Variants in DPP8 observed in about 807,000 individuals in gnomAD.
DPP8 encodes dipeptidyl peptidase 8.
DPP8 carries 31 observed loss-of-function variants against 107.5 expected under a neutral mutation model. The ratio of observed to expected loss-of-function variants is 0.29; its 90% CI spans 0.22 to 0.39. DPP8 has a LOEUF of 0.39. DPP8 is among the 10% of genes least tolerant of loss of function. The pLI, the probability that DPP8 is intolerant of heterozygous loss-of-function variation, is 1.00. For synonymous variants in DPP8, 381 were observed against 356.6 expected, an observed-to-expected ratio of 1.07 and a Z score of -0.77; for missense variants, 842 against 1,076.1, an observed-to-expected ratio of 0.78 and a Z score of 3.04.
chr15:65,481,698 C>A, intron 8 of DPP8, 83 bp from the exon 9 acceptor site: 1 of 849,018 alleles, frequency 1.2e-6, no homozygotes, highest in Non-Finnish European at 1.8e-6. Context: ...AACAATTTAT[C>A]CAAAAAGCAG....
Position 65,480,271 on chromosome 15 carries a change from G to C in DPP8, c.1247C>G (p.Ser416Cys). The C allele has an allele frequency of 6.2e-7, 1 of 1,613,876 alleles. No individual in the cohort carries two copies. The highest frequency in any genetic ancestry group is 8.5e-7 in the Non-Finnish European group (1 of 1,179,942). The stretch of plus-strand genomic sequence containing the variant: ...TTCATAGATAATTAGTGGCGTCACA[G>C]AATCAGGCACTGACTCAATGAGTCT... ...RQRLIESVPD[S>C]VTPLIIYEET... The change falls in exon 10 of 20, where the codon TCT becomes TGT. Residue 416 changes from serine (S) to cysteine (C), a missense_variant. Ser to Cys is a moderately radical substitution (Grantham distance 112). Coordinates refer to ENST00000300141, the MANE Select transcript of DPP8 (RefSeq NM_130434.5).
At chr15:65,510,570 G>A (rs775304602) in intron 2 of DPP8, among the ~76,000 whole-genome samples, 7 of 151,474 alleles carry the variant, frequency 4.6e-5, no homozygotes, top group Non-Finnish European at 7.4e-5. Context: ...ACGAAGTCTC[G>A]CTCTGTCATC....
At chr15:65,466,609 A>AG (rs2065376786) in intron 14 of DPP8, 69 bp downstream of exon 14, 1 of 1,387,830 alleles carries the variant, frequency 7.2e-7, no homozygotes. Context: ...ATGTGAAAAT[A>AG]TGACACACGT....
chr15:65,493,162 C>T (rs982270142), intron 5 of DPP8, among the ~76,000 whole-genome samples: 1 of 152,050 alleles, frequency 6.6e-6, no homozygotes, highest in African/African-American at 2.4e-5. Flanking sequence ...CAGCTCACCG[C>T]AACCTCCACT....
rs1046346721 is a variant in DPP8, at chr15:65,453,476, T to C, written c.2271+787A>G. Among the ~76,000 whole-genome samples, 88 of 151,822 alleles carry C rather than the reference T, an allele frequency of 5.8e-4. 4 individuals carry two copies. Among genetic ancestry groups the C allele is most frequent in the Non-Finnish European group, 1.5e-5 (1 of 67,962 alleles). ...ATACATATATATATATCTACACACA[T>C]AAAACTTGAAGGCTGGGCGCAGTGG... On this transcript the variant is annotated intron_variant, in intron 17 of 19. Coordinates refer to ENST00000300141, the MANE Select transcript of DPP8 (RefSeq NM_130434.5).
In DPP8 at chr15:65,443,580, C is replaced by A. The variant is rs2063378057; in HGVS notation, c.*3304G>T. 1.3e-5 allele frequency: 2 copies of A among 151,972 alleles called. No homozygotes were observed. The highest frequency in any genetic ancestry group is 4.8e-5 in the African/African-American group (2 of 41,342). The allele number at this position is 151,972 out of a possible 1,614,324, so 9.4% of individuals were successfully genotyped here. On this transcript the variant is annotated 3_prime_UTR_variant, in exon 20 of 20. Coordinates refer to ENST00000300141, the MANE Select transcript of DPP8 (RefSeq NM_130434.5). Reference sequence around the variant, plus strand: ...TGTGACCTAATCCTCTTGTATGAGGCTTTGGAAAAGAACCAGGAATGGCAT... The same window carrying A: ...TGTGACCTAATCCTCTTGTATGAGGATTTGGAAAAGAACCAGGAATGGCAT...
At chr15:65,512,635 T>A in intron 1 of DPP8, 71 bp from the exon 2 acceptor site, 2 of 1,525,678 alleles carry the variant, frequency 1.3e-6, no homozygotes, top group South Asian at 1.2e-5. Flanking sequence ...TCTGAGAGGG[T>A]CAAAAAAAAA....
intron 12 of DPP8, among the ~76,000 whole-genome samples, chr15:65,469,017 C>A (rs566640828): frequency 6.6e-6 from 1 of 152,198 alleles, no homozygotes; most frequent in South Asian, 2.1e-4. Context: ...CTCTCGTTGC[C>A]CAGGCTGGAG....
intron 17 of DPP8, among the ~76,000 whole-genome samples, chr15:65,453,454 CAT>C (rs1053459364): frequency 6.6e-6 from 1 of 151,486 alleles, no homozygotes; most frequent in African/African-American, 2.4e-5. Flanking sequence ...CACACACATA[CAT>C]ATATATATAT....
At chr15:65,447,241 G>C (rs2063546217) in intron 19 of DPP8, among the ~76,000 whole-genome samples, 1 of 151,992 alleles carries the variant, frequency 6.6e-6, no homozygotes, top group South Asian at 2.1e-4. Context: ...CTCTAAGTGT[G>C]GTCTGCAGAC....
intron 5 of DPP8, among the ~76,000 whole-genome samples, chr15:65,497,011 T>G (rs1045998621): frequency 8.5e-5 from 13 of 152,052 alleles, no homozygotes; most frequent in Non-Finnish European, 1.5e-4. Flanking sequence ...CGCCTCAACC[T>G]CCCTAGTAGC....
chr15:65,512,758 A>G, intron 1 of DPP8, 194 bp from the exon 2 acceptor site: 1 of 601,798 alleles, frequency 1.7e-6, no homozygotes, highest in South Asian at 2.2e-5. Context: ...AATGAAATTA[A>G]AAAAAAATTG....
chr15:65,471,435 C>T (rs1292727607), intron 12 of DPP8, among the ~76,000 whole-genome samples: 4 of 151,972 alleles, frequency 2.6e-5, no homozygotes, highest in Non-Finnish European at 5.9e-5. Context: ...CAGCCTCAAC[C>T]TCCCGGGCTA....
intron 11 of DPP8, among the ~76,000 whole-genome samples, chr15:65,475,842 A>G (rs1387116888): frequency 6.6e-6 from 1 of 152,056 alleles, no homozygotes; most frequent in Non-Finnish European, 1.5e-5. Context: ...TTACCTCCCC[A>G]GACTCAGGTG....
chr15:65,450,686 C>G (rs1419077088), intron 19 of DPP8: 1 of 185,078 alleles, frequency 5.4e-6, no homozygotes. Context: ...CACATCCTCA[C>G]CCTTCAAAGT....
chr15:65,480,882 A>T (rs1331055308), intron 9 of DPP8, among the ~76,000 whole-genome samples: 1 of 152,168 alleles, frequency 6.6e-6, no homozygotes, highest in African/African-American at 2.4e-5. Context: ...GGATCATTTG[A>T]GCCCAGGAGT....
In DPP8 at chr15:65,512,830, T is replaced by C. The variant is rs926793301; in HGVS notation, c.-11-266A>G. 67 of 411,910 alleles carry C rather than the reference T, an allele frequency of 1.6e-4. 1 individual carries two copies. The East Asian group carries it at 2.7e-3, about 17-fold the overall frequency. The allele number at this position is 411,910 out of a possible 1,614,324, so 25.5% of individuals were successfully genotyped here. On this transcript the variant is annotated intron_variant, in intron 1 of 19. Transcript: ENST00000300141. ...TGGTAGCTTTTATAAAAGGCTCTCC[T>C]TAGGTATTTCTTGCCAAAACTCCCT...
chr15:65,512,251 C>T (rs367731227), intron 2 of DPP8, 44 bp downstream of exon 2: 310 of 1,559,674 alleles, frequency 2.0e-4, no homozygotes, highest in Non-Finnish European at 2.6e-4. Context: ...TTAAGTTTGA[C>T]TTAAGAGATC....
chr15:65,488,953 G>A (rs78122233), intron 6 of DPP8, among the ~76,000 whole-genome samples: 7,282 of 152,072 alleles, frequency 0.048, 594 homozygotes, highest in African/African-American at 0.17. Context: ...AACACATTAA[G>A]GTGTGGTTTT....
Sources: allele counts gnomAD v4.1 joint callset (sites outside exome capture counted in the v4.1 genomes callset), GRCh38; gene constraint gnomAD v4.1.1; transcripts MANE v1.5; gene names NCBI Gene and HGNC (gene_info 2026-07-23, HGNC 2026-07-21).